The following DTWD2 variants were observed in gnomAD, a reference collection of about 807,000 sequenced individuals.
DTWD2 encodes tRNA-uridine aminocarboxypropyltransferase 2.
Under a neutral mutation model 31.8 loss-of-function variants are expected in DTWD2, and 39 were observed. The ratio of observed to expected loss-of-function variants is 1.22; its 90% confidence interval spans 0.95 to 1.60. The LOEUF is 1.60. Ranked by LOEUF, DTWD2 falls within the 40% of genes most tolerant of loss-of-function variation. The probability of loss-of-function intolerance (pLI) is 0.00; values close to 1 mark genes in which losing one functional copy is unlikely to be tolerated. For synonymous variants in DTWD2, 180 were observed against 142.8 expected (o/e 1.26, Z -1.86); for missense variants, 515 against 381.5 (o/e 1.35, Z -2.92).
intron 2 of DTWD2, among the ~76,000 whole-genome samples, chr5:118,941,992 T>C (rs1754214426): frequency 1.3e-5 from 2 of 152,254 alleles, no homozygotes; most frequent in African/African-American, 4.8e-5. Context: ...GAGAAGTGTC[T>C]GTTCATATCC....
intron 3 of DTWD2, among the ~76,000 whole-genome samples, chr5:118,929,719 C>T (rs1418260566): frequency 1.3e-5 from 2 of 152,136 alleles, no homozygotes; most frequent in Non-Finnish European, 2.9e-5. Context: ...GTTGACACAG[C>T]TGTTTAGAGG....
At chr5:118,933,769 T>C (rs1032320484) in intron 3 of DTWD2, among the ~76,000 whole-genome samples, 2 of 151,856 alleles carry the variant, frequency 1.3e-5, no homozygotes, top group Admixed American at 6.6e-5. Context: ...CCCTAGCTAT[T>C]GAAATAAGAA....
At chr5:118,919,735 T>A (rs549314757) in intron 4 of DTWD2, among the ~76,000 whole-genome samples, 1 of 152,104 alleles carries the variant, frequency 6.6e-6, no homozygotes, top group Non-Finnish European at 1.5e-5. Context: ...TTAAACATTA[T>A]GATGTTTATC....
intron 4 of DTWD2, among the ~76,000 whole-genome samples, chr5:118,850,922 G>A (rs935751365): frequency 2.0e-4 from 31 of 152,236 alleles, no homozygotes; most frequent in African/African-American, 7.0e-4. Context: ...AAAATGCTCA[G>A]TATCATTAAT....
At chr5:118,915,285 A>C (rs1410895972) in intron 4 of DTWD2, among the ~76,000 whole-genome samples, 1 of 152,094 alleles carries the variant, frequency 6.6e-6, no homozygotes, top group Middle Eastern at 3.2e-3. Context: ...AGGTACTAGA[A>C]GGCTTTCACT....
intron 1 of DTWD2, among the ~76,000 whole-genome samples, chr5:118,965,114 C>T (rs1216999095): frequency 2.0e-5 from 3 of 146,548 alleles, no homozygotes; most frequent in African/African-American, 2.6e-5. Context: ...AGGTGAGGAG[C>T]GTCTCTGCCC....
intron 4 of DTWD2, among the ~76,000 whole-genome samples, chr5:118,908,245 T>A (rs775405098): frequency 6.9e-4 from 105 of 152,272 alleles, no homozygotes; most frequent in Non-Finnish European, 1.1e-3. Context: ...AAGACCTGCA[T>A]AGGGACCTCA....
intron 4 of DTWD2, among the ~76,000 whole-genome samples, chr5:118,884,756 C>T (rs181558912): frequency 5.3e-5 from 8 of 151,960 alleles, no homozygotes; most frequent in Non-Finnish European, 7.4e-5. Flanking sequence ...CCTGTAATCC[C>T]AGCACTTTGG....
chr5:118,849,212 A>G (rs979738138), intron 4 of DTWD2, among the ~76,000 whole-genome samples: 2 of 152,198 alleles, frequency 1.3e-5, no homozygotes, highest in Admixed American at 6.5e-5. Flanking sequence ...AAAAGTGGGC[A>G]AAGGATATGA....
chr5:118,900,614 A>G (rs1753183252), intron 4 of DTWD2, among the ~76,000 whole-genome samples: 1 of 152,160 alleles, frequency 6.6e-6, no homozygotes, highest in African/African-American at 2.4e-5. Flanking sequence ...TTAAACTAAA[A>G]CCAGTGATGA....
chr5:118,984,505 T>G (rs1343280654), intron 1 of DTWD2, among the ~76,000 whole-genome samples: 1 of 151,288 alleles, frequency 6.6e-6, no homozygotes, highest in African/African-American at 2.4e-5. Context: ...TTACAAGAAC[T>G]AAATAAAATA....
intron 4 of DTWD2, among the ~76,000 whole-genome samples, chr5:118,926,688 C>CT (rs1051545365): frequency 1.3e-5 from 2 of 152,048 alleles, no homozygotes; most frequent in African/African-American, 4.8e-5. Flanking sequence ...CATCTCGCCC[C>CT]TTTTGTTCAA....
Position 118,887,298 on chromosome 5 carries a change from T to C in DTWD2, c.598-39080A>G, listed in dbSNP as rs758995384. ...CTAATAAAGTTAGTCCATGGCTCTATAGAGTGATTCACAGAGATTCCCAGC... is the reference window on the plus strand; with the variant it reads ...CTAATAAAGTTAGTCCATGGCTCTACAGAGTGATTCACAGAGATTCCCAGC... On this transcript the variant is annotated intron_variant, in intron 4 of 5. Coordinates refer to ENST00000510708, the MANE Select transcript of DTWD2 (RefSeq NM_173666.4). Among the ~76,000 whole-genome samples the C allele has an allele frequency of 4.6e-5, 7 of 152,186 alleles. 1 individual carries two copies. The highest frequency in any genetic ancestry group is 4.2e-4 in the South Asian group (2 of 4,814).
At chr5:118,979,680 T>G (rs187327754) in intron 1 of DTWD2, among the ~76,000 whole-genome samples, 1 of 152,308 alleles carries the variant, frequency 6.6e-6, no homozygotes, top group Non-Finnish European at 1.5e-5. Context: ...CCATAAGGAA[T>G]GAGATCATGT....
chr5:118,907,918 A>G (rs1753370720), intron 4 of DTWD2, among the ~76,000 whole-genome samples: 1 of 152,200 alleles, frequency 6.6e-6, no homozygotes, highest in Non-Finnish European at 1.5e-5. Flanking sequence ...ATCAATAAAA[A>G]TGTTAATCTC....
intron 5 of DTWD2, among the ~76,000 whole-genome samples, chr5:118,842,733 G>A (rs1751747007): frequency 6.6e-6 from 1 of 150,976 alleles, no homozygotes; most frequent in Non-Finnish European, 1.5e-5. Flanking sequence ...AGCAGTTTGA[G>A]ACCAGCCCAG....
At chr5:118,855,005 G>A (rs1410698399) in intron 4 of DTWD2, among the ~76,000 whole-genome samples, 1 of 151,478 alleles carries the variant, frequency 6.6e-6, no homozygotes, top group African/African-American at 2.4e-5. Context: ...CAGTGCCCAG[G>A]TATTAGCCAT....
chr5:118,971,660 C>G (rs1317816283), intron 1 of DTWD2, among the ~76,000 whole-genome samples: 1 of 152,134 alleles, frequency 6.6e-6, no homozygotes, highest in Non-Finnish European at 1.5e-5. Flanking sequence ...ACTCTCCATC[C>G]AAAAATAACA....
chr5:118,980,510 T>G (rs993821931), intron 1 of DTWD2, among the ~76,000 whole-genome samples: 1 of 152,194 alleles, frequency 6.6e-6, no homozygotes, highest in Non-Finnish European at 1.5e-5. Context: ...AGGACTTGAA[T>G]AGACATTTTT....
Sources: gnomAD v4.1 joint callset for allele counts (sites outside exome capture counted in the v4.1 genomes callset) on GRCh38, gnomAD v4.1.1 for gene constraint, MANE v1.5 for transcripts, NCBI Gene and HGNC (gene_info 2026-07-23, HGNC 2026-07-21) for gene names.